Variants in COL24A1 observed in about 807,000 individuals in gnomAD.
The protein encoded by COL24A1 is collagen alpha-1(XXIV) chain.
COL24A1 carries 224 observed loss-of-function variants against 253.9 expected under a neutral mutation model. That is an observed-to-expected ratio of 0.88 (90% CI 0.79 to 0.99). The LOEUF (loss-of-function observed/expected upper bound fraction) is 0.99. COL24A1 is among the 50% of genes least tolerant of loss of function. COL24A1 has a pLI of 0.00. For synonymous variants in COL24A1, 685 were observed against 673.7 expected, an observed-to-expected ratio of 1.02 and a Z score of -0.26; for missense variants, 2,131 against 2,068.5, an observed-to-expected ratio of 1.03 and a Z score of -0.59.
At chr1:85,921,520 C>G (rs1026453093) in intron 24 of COL24A1, among the ~76,000 whole-genome samples, 1 of 152,202 alleles carries the variant, frequency 6.6e-6, no homozygotes, top group Non-Finnish European at 1.5e-5. Flanking sequence ...ACTGGTGATA[C>G]CTAGGCAAAC....
intron 24 of COL24A1, among the ~76,000 whole-genome samples, chr1:85,918,368 T>C (rs1686112541): frequency 6.6e-6 from 1 of 152,198 alleles, no homozygotes; most frequent in Non-Finnish European, 1.5e-5. Context: ...CACTATTTCT[T>C]ACCCACCTAT....
rs759958666 is a variant in COL24A1, at chr1:86,050,152, G to A, written c.1877C>T (p.Ala626Val). The A allele has an allele frequency of 2.4e-5, 38 of 1,613,076 alleles. No individual in the cohort carries two copies. Among genetic ancestry groups the A allele is most frequent in the South Asian group, 6.6e-5 (6 of 91,032 alleles). ...AQGFIGSPGE[A>V]GQLGPEGERG... ...TTCTCCTTCAGGTCCCAGTTGTCCC[G>A]CTTCTCCAGGAGAGCCAATAAAACC... is the stretch of plus-strand genomic sequence containing the variant. The change falls in exon 11 of 60, where the codon GCG becomes GTG. Residue 626 changes from alanine (A) to valine (V), a missense_variant. Physicochemically the swap from Ala to Val is moderately conservative, Grantham distance 64 (BLOSUM62 0). Coordinates refer to ENST00000370571, the MANE Select transcript of COL24A1 (RefSeq NM_152890.7).
chr1:86,037,506 G>T (rs1156293037), intron 12 of COL24A1, among the ~76,000 whole-genome samples: 1 of 152,150 alleles, frequency 6.6e-6, no homozygotes, highest in African/African-American at 2.4e-5. Context: ...GTGGCCCATA[G>T]CCAAGAGCCG....
chr1:85,970,356 A>C lies in COL24A1; in HGVS notation c.2419-85T>G, dbSNP rs1692033007. 17 of 1,264,896 alleles carry C rather than the reference A, an allele frequency of 1.3e-5. No homozygotes were observed. The Admixed American group carries it at 1.4e-4, about 10-fold the overall frequency. The allele number at this position is 1,264,896 out of a possible 1,614,324, so 78.4% of individuals were successfully genotyped here. On this transcript the variant is annotated intron_variant, in intron 21 of 59. Coordinates refer to ENST00000370571, the MANE Select transcript of COL24A1 (RefSeq NM_152890.7). ...ACTCTTATTTTCTCTATTTATTCTA[A>C]AATGTGAAGCTCATTCTGAGATGTG... is the stretch of plus-strand genomic sequence containing the variant.
At chr1:85,879,085 T>C (rs112712964) in intron 32 of COL24A1, among the ~76,000 whole-genome samples, 12 of 152,204 alleles carry the variant, frequency 7.9e-5, no homozygotes, top group African/African-American at 2.9e-4. Flanking sequence ...AAGATGTTAA[T>C]GAAGTCCAAC....
chr1:85,925,763 G>T (rs928535340), intron 24 of COL24A1, among the ~76,000 whole-genome samples: 2 of 152,140 alleles, frequency 1.3e-5, no homozygotes, highest in Non-Finnish European at 2.9e-5. Flanking sequence ...ATAGGCATGG[G>T]CAAGGACTTC....
intron 24 of COL24A1, among the ~76,000 whole-genome samples, chr1:85,915,566 G>C (rs184573591): frequency 5.9e-4 from 90 of 152,200 alleles, no homozygotes; most frequent in African/African-American, 2.1e-3. Context: ...AATCTGAGCA[G>C]GAAAAATGAA....
chr1:86,066,171 C>T (rs887258974), intron 7 of COL24A1, among the ~76,000 whole-genome samples: 5 of 150,690 alleles, frequency 3.3e-5, no homozygotes, highest in African/African-American at 1.2e-4. Flanking sequence ...TCCCTGTTTC[C>T]TTATTGCTGC....
intron 7 of COL24A1, among the ~76,000 whole-genome samples, chr1:86,072,000 G>A (rs1025823073): frequency 6.6e-6 from 1 of 152,160 alleles, no homozygotes; most frequent in African/African-American, 2.4e-5. Flanking sequence ...CTTTTCCCAC[G>A]GTCTGTGAAA....
chr1:85,940,403 CAAAAAAAAAAAAA>C lies in COL24A1; in HGVS notation c.2562+20833_2562+20845del, dbSNP rs1166634995. Among the ~76,000 whole-genome samples, 3 of 2,024 alleles carry C rather than the reference CAAAAAAAAAAAAA, an allele frequency of 1.5e-3. 1 individual carries two copies. Among genetic ancestry groups the C allele is most frequent in the South Asian group, 0.077 (2 of 26 alleles). 1.3% of individuals were successfully genotyped at this position (2,024 alleles called of 152,430 possible). A position where few individuals can be genotyped will look rare whatever the true frequency, so the allele number is the denominator to read the frequency against. On this transcript the variant is annotated intron_variant, in intron 24 of 59. Transcript: ENST00000370571. ...TGGGCGACAGAGCGAGACTCCGTCT[CAAAAAAAAAAAAA>C]AAAAAAAAAAAAAAAAAAAAAAAAG...
chr1:86,142,416 G>A (rs1364056166), intron 2 of COL24A1, among the ~76,000 whole-genome samples: 18 of 151,618 alleles, frequency 1.2e-4, no homozygotes, highest in Admixed American at 7.2e-4. Context: ...CCAGCTACTC[G>A]GGAGGCTGAG....
At chr1:85,910,286 G>A (rs1330444210) in intron 25 of COL24A1, among the ~76,000 whole-genome samples, 1 of 151,846 alleles carries the variant, frequency 6.6e-6, no homozygotes, top group Non-Finnish European at 1.5e-5. Flanking sequence ...TTAAAAGTGA[G>A]CACACATCAT....
At chr1:86,032,500 TTTCATGATCATTA>T (rs771193263) in intron 13 of COL24A1, among the ~76,000 whole-genome samples, 20 of 152,258 alleles carry the variant, frequency 1.3e-4, no homozygotes, top group Non-Finnish European at 2.4e-4. Context: ...GTATCAGATT[TTTCATGATCATTA>T]TTAATTTTTC....
chr1:85,777,914 C>T (rs1322902451), intron 52 of COL24A1, among the ~76,000 whole-genome samples: 1 of 151,894 alleles, frequency 6.6e-6, no homozygotes, highest in Non-Finnish European at 1.5e-5. Flanking sequence ...TGGATTTGTT[C>T]TTTTTTTCTC....
At chr1:85,953,422 T>G (rs991829504) in intron 24 of COL24A1, among the ~76,000 whole-genome samples, 1 of 152,208 alleles carries the variant, frequency 6.6e-6, no homozygotes, top group Non-Finnish European at 1.5e-5. Flanking sequence ...AATTTTTACT[T>G]CTTTTTCTTA....
At chr1:85,796,418 CAG>C (rs1055981731) in intron 47 of COL24A1, among the ~76,000 whole-genome samples, 6 of 152,132 alleles carry the variant, frequency 3.9e-5, no homozygotes, top group African/African-American at 1.4e-4. Context: ...ACAGGACTAA[CAG>C]GGACTGAAAG....
At chr1:85,773,202 G>A (rs1668159525) in intron 53 of COL24A1, among the ~76,000 whole-genome samples, 2 of 152,136 alleles carry the variant, frequency 1.3e-5, no homozygotes, top group Non-Finnish European at 1.5e-5. Context: ...TTATTTCTGA[G>A]GCCTCCGTTC....
In COL24A1 at chr1:85,877,142, G is replaced by A. The variant is rs759165044; in HGVS notation, c.3010C>T (p.Pro1004Ser). The change falls in exon 33 of 60, where the codon CCT becomes TCT. Residue 1004 changes from proline (P) to serine (S), a missense_variant. Transcript: ENST00000370571. ...LRGLQGDVGPPGEMGMEGPPG... is the reference protein window; with the variant it reads ...LRGLQGDVGPSGEMGMEGPPG... ...TTTACCTCCATGCCCATTTCTCCAGGAGGTCCAACATCACCTTGCAGTCCT... is the reference window on the plus strand; with the variant it reads ...TTTACCTCCATGCCCATTTCTCCAGAAGGTCCAACATCACCTTGCAGTCCT... 6.2e-6 allele frequency: 10 copies of A among 1,606,124 alleles called. 1 individual carries two copies. Among genetic ancestry groups the A allele is most frequent in the Non-Finnish European group, 7.6e-6 (9 of 1,176,674 alleles).
At chr1:86,134,147 A>G (rs1488193767) in intron 2 of COL24A1, among the ~76,000 whole-genome samples, 2 of 151,698 alleles carry the variant, frequency 1.3e-5, no homozygotes, top group African/African-American at 2.4e-5. Flanking sequence ...AGAGGTGTTT[A>G]TAGTATTCTC....
Sources: gnomAD v4.1 joint callset for allele counts (sites outside exome capture counted in the v4.1 genomes callset) on GRCh38, gnomAD v4.1.1 for gene constraint, MANE v1.5 for transcripts, NCBI Gene and HGNC (gene_info 2026-07-23, HGNC 2026-07-21) for gene names.